The following ZNF292 variants were observed in gnomAD, a reference collection of about 807,000 sequenced individuals.
ZNF292 encodes zinc finger protein 292.
A neutral mutation model predicts 217.9 loss-of-function variants in ZNF292; 26 were observed. The ratio of observed to expected loss-of-function variants is 0.12; its 90% CI spans 0.09 to 0.17. The LOEUF (loss-of-function observed/expected upper bound fraction) is 0.17, where lower values mean the gene tolerates loss of function less well. ZNF292 is among the 10% of genes least tolerant of loss of function. The probability of loss-of-function intolerance (pLI) is 1.00; values close to 1 mark genes in which losing one functional copy is unlikely to be tolerated. For synonymous variants in ZNF292, 1,257 were observed against 1,124.1 expected (o/e 1.12, Z -2.37); for missense variants, 2,904 against 3,175.2 (o/e 0.91, Z 2.05).
chr6:87,222,421 C>T (rs1582446487), intron 4 of ZNF292, among the ~76,000 whole-genome samples: 3 of 152,124 alleles, frequency 2.0e-5, no homozygotes, highest in African/African-American at 7.2e-5. Flanking sequence ...AAGACCATAA[C>T]AAGTGTTTGT....
At chr6:87,191,465 T>C (rs1012578908) in intron 1 of ZNF292, among the ~76,000 whole-genome samples, 1 of 152,176 alleles carries the variant, frequency 6.6e-6, no homozygotes, top group Admixed American at 6.5e-5. Context: ...ACCCTTATAT[T>C]AATATCAGTG....
chr6:87,230,168 T>C (rs1773573881), intron 4 of ZNF292, among the ~76,000 whole-genome samples: 1 of 152,154 alleles, frequency 6.6e-6, no homozygotes, highest in Admixed American at 6.5e-5. Context: ...AGATGACACG[T>C]AATGTGGTGT....
intron 1 of ZNF292, among the ~76,000 whole-genome samples, chr6:87,180,925 C>T (rs1265245677): frequency 2.0e-5 from 3 of 152,148 alleles, no homozygotes; most frequent in Non-Finnish European, 4.4e-5. Context: ...GGAGGTGTGA[C>T]AGAGGTGTGG....
chr6:87,225,063 C>T (rs1773275639), intron 4 of ZNF292, among the ~76,000 whole-genome samples: 1 of 152,142 alleles, frequency 6.6e-6, no homozygotes, highest in Non-Finnish European at 1.5e-5. Context: ...TTCTAATAGG[C>T]ATGTAGTGAT....
At position 87,256,165 on chromosome 6, in the gene ZNF292, A is replaced by G. The variant is rs2127860371; in HGVS notation, c.2536A>G (p.Asn846Asp). The G allele has an allele frequency of 6.2e-7, 1 of 1,613,908 alleles. No homozygotes were observed. ...AGTGCTGCCTCCTGAAGCCCAACTT[A>G]ATTCATCTGGAGATTCCATTCAGCC... ...EKVLPPEAQL[N>D]SSGDSIQPSE... Residue 846 changes from asparagine (N) to aspartate (D), a missense_variant, in exon 8 of 8, where the codon AAT (asparagine) becomes GAT (aspartate). By Grantham distance (23) the Asn-to-Asp change is conservative. This residue lies in a region of ZNF292 where 687 missense variants were observed against 623.0 expected (regional missense o/e 1.10). Coordinates refer to ENST00000369577, the MANE Select transcript of ZNF292 (RefSeq NM_015021.3).
intron 1 of ZNF292, among the ~76,000 whole-genome samples, chr6:87,180,799 A>ACC (rs1771449564): frequency 6.6e-6 from 1 of 152,112 alleles, no homozygotes; most frequent in Non-Finnish European, 1.5e-5. Flanking sequence ...TTCCGTGGAT[A>ACC]CCCTCACTCA....
intron 1 of ZNF292, among the ~76,000 whole-genome samples, chr6:87,199,902 A>G (rs573471753): frequency 3.9e-5 from 6 of 152,322 alleles, no homozygotes; most frequent in Non-Finnish European, 5.9e-5. Flanking sequence ...TGGGTTTCCT[A>G]CCATTGTATT....
chr6:87,240,764 T>TA (rs1315940400), intron 5 of ZNF292, among the ~76,000 whole-genome samples: 1 of 152,086 alleles, frequency 6.6e-6, no homozygotes, highest in Non-Finnish European at 1.5e-5. Flanking sequence ...ATGATAAGAT[T>TA]AAAAATAAAT....
intron 6 of ZNF292, among the ~76,000 whole-genome samples, chr6:87,244,300 A>T (rs190996640): frequency 1.3e-5 from 2 of 152,248 alleles, no homozygotes; most frequent in African/African-American, 4.8e-5. Context: ...TGAAGGAAAA[A>T]TAGTATATGC....
intron 4 of ZNF292, among the ~76,000 whole-genome samples, chr6:87,231,661 C>T (rs1043693575): frequency 1.1e-4 from 17 of 152,132 alleles, no homozygotes; most frequent in Non-Finnish European, 2.1e-4. Flanking sequence ...CACAATTTGT[C>T]GTTCTAACTT....
chr6:87,205,741 C>T (rs1181221266), intron 1 of ZNF292, among the ~76,000 whole-genome samples: 1 of 152,048 alleles, frequency 6.6e-6, no homozygotes, highest in African/African-American at 2.4e-5. Flanking sequence ...TTGACCCTCT[C>T]TGTGTGTTTT....
Position 87,218,667 on chromosome 6 carries a change from T to G in ZNF292, c.474T>G (p.Thr158=). 2 of 1,593,922 alleles carry G rather than the reference T, an allele frequency of 1.3e-6. No individual in the cohort carries two copies. Among genetic ancestry groups the G allele is most frequent in the Non-Finnish European group, 8.5e-7 (1 of 1,170,034 alleles). Reference sequence around the variant, plus strand: ...TTTTAGCTACTCTAGCTCAAGAGACTGGGGTGTGGAAAAACCCGGTACTGT... The same window carrying G: ...TTTTAGCTACTCTAGCTCAAGAGACGGGGGTGTGGAAAAACCCGGTACTGT... ...LHFLATLAQE[T]GVWKNPVLCT... The change falls in exon 4 of 8, where the codon ACT becomes ACG. Residue 158 remains threonine, a synonymous_variant. Coordinates refer to ENST00000369577, the MANE Select transcript of ZNF292 (RefSeq NM_015021.3).
In ZNF292 at chr6:87,261,456, TACTG is replaced by T. The variant is rs1322666654; in HGVS notation, c.7830_7833del (p.Asp2611LysfsTer25). 1 of 1,605,694 alleles carries T rather than the reference TACTG, an allele frequency of 6.2e-7. No homozygotes were observed. Among genetic ancestry groups the T allele is most frequent in the Non-Finnish European group, 8.5e-7 (1 of 1,175,658 alleles). ...AGTCTGCAGTGAAGCAGAAGAAAAA[TACTG>T]ACAAAGACCATCCGAATACTGGAAA... On this transcript the variant is annotated frameshift_variant, in exon 8 of 8. Transcript: ENST00000369577. LOFTEE classifies it high-confidence loss of function.
chr6:87,257,519 A>G lies in ZNF292; in HGVS notation c.3890A>G (p.Tyr1297Cys). 6.2e-7 allele frequency: 1 copy of G among 1,609,640 alleles called. No individual in the cohort carries two copies. Among genetic ancestry groups the G allele is most frequent in the Non-Finnish European group, 8.5e-7 (1 of 1,177,672 alleles). The change falls in exon 8 of 8, where the codon TAT becomes TGT. Residue 1297 changes from tyrosine (Y) to cysteine (C), a missense_variant. This residue lies in a region of ZNF292 where 687 missense variants were observed against 623.0 expected (regional missense o/e 1.10). Coordinates refer to ENST00000369577, the MANE Select transcript of ZNF292 (RefSeq NM_015021.3). ...FSQLENNTNH[Y>C]SSQIEGNTNS... is the part of the protein sequence containing the mutation. The stretch of plus-strand genomic sequence containing the variant: ...CAACTGGAAAATAATACAAATCATT[A>G]TTCCTCACAGATTGAAGGAAACACT...
intron 1 of ZNF292, among the ~76,000 whole-genome samples, chr6:87,184,034 T>C (rs932156100): frequency 6.6e-6 from 1 of 152,196 alleles, no homozygotes; most frequent in Admixed American, 6.5e-5. Context: ...TTTTCACATA[T>C]ACACACAGTG....
chr6:87,198,397 G>A (rs1031390984), intron 1 of ZNF292, among the ~76,000 whole-genome samples: 2 of 151,982 alleles, frequency 1.3e-5, no homozygotes, highest in Admixed American at 1.3e-4. Context: ...GTAGAGACAG[G>A]GTTTCACTGT....
intron 7 of ZNF292, among the ~76,000 whole-genome samples, chr6:87,248,147 A>C (rs1774702744): frequency 6.6e-6 from 1 of 152,180 alleles, no homozygotes; most frequent in Non-Finnish European, 1.5e-5. Context: ...GAATCTAAAA[A>C]CTGAGATGCA....
rs760034769 is a variant in ZNF292 at position 87,260,316 on chromosome 6, A to G, written c.6687A>G (p.Thr2229=). The G allele has an allele frequency of 3.1e-6, 5 of 1,613,564 alleles. No individual in the cohort carries two copies. In the South Asian group the frequency reaches 3.3e-5, roughly 11 times the overall value. ...DQLECKSSFT[T]YLNYVVHLEA... ...TAGAGTGTAAATCTTCATTTACTAC[A>G]TATTTGAACTATGTTGTTCATCTAG... Residue 2229 remains threonine, a synonymous_variant, in exon 8 of 8, where the codon ACA becomes ACG. Coordinates refer to ENST00000369577, the MANE Select transcript of ZNF292 (RefSeq NM_015021.3).
chr6:87,264,523 G>A lies in ZNF292; in HGVS notation c.*2722G>A, dbSNP rs900927242. Among the ~76,000 whole-genome samples the A allele has an allele frequency of 2.0e-5, 3 of 152,164 alleles. No homozygotes were observed. Among genetic ancestry groups the A allele is most frequent in the African/African-American group, 7.2e-5 (3 of 41,430 alleles). ...TATACCTAGGGACATCAGAAAGAAT[G>A]CCCTATTTTTCTGGAAAAGGAGGTA... On this transcript the variant is annotated 3_prime_UTR_variant, in exon 8 of 8. Transcript: ENST00000369577.
Sources: gnomAD v4.1 joint callset for allele counts (sites outside exome capture counted in the v4.1 genomes callset) on GRCh38, gnomAD v4.1.1 for gene constraint, gnomAD v4.1.1 regional missense constraint, MANE v1.5 for transcripts, NCBI Gene and HGNC (gene_info 2026-07-23, HGNC 2026-07-21) for gene names.